ZNF608: variants seen among roughly 807,000 people sequenced by gnomAD.
ZNF608 encodes the protein renal carcinoma antigen NY-REN-36.
A neutral mutation model predicts 109.0 loss-of-function variants in ZNF608; 12 were observed. The observed-to-expected ratio is 0.11, with a 90% CI of 0.07 to 0.18. ZNF608 has a LOEUF of 0.18. Among genes scored for constraint, ZNF608 ranks in the 10% least tolerant of loss-of-function variants. The pLI is 1.00. For synonymous variants in ZNF608, 732 were observed against 717.4 expected, an observed-to-expected ratio of 1.02 and a Z score of -0.33; for missense variants, 1,707 against 1,879.3, an observed-to-expected ratio of 0.91 and a Z score of 1.70.
intron 3 of ZNF608, among the ~76,000 whole-genome samples, chr5:124,674,370 C>T (rs952513768): frequency 6.6e-6 from 1 of 152,112 alleles, no homozygotes; most frequent in Non-Finnish European, 1.5e-5. Flanking sequence ...AAATGGGGCC[C>T]AAATATCAGT....
At chr5:124,693,872 T>C (rs1397429215) in intron 3 of ZNF608, among the ~76,000 whole-genome samples, 1 of 151,874 alleles carries the variant, frequency 6.6e-6, no homozygotes, top group African/African-American at 2.4e-5. Context: ...CTCCATTCAG[T>C]ACGCCTTTGT....
intron 3 of ZNF608, among the ~76,000 whole-genome samples, chr5:124,670,669 T>C (rs961934540): frequency 6.6e-6 from 1 of 152,126 alleles, no homozygotes; most frequent in Non-Finnish European, 1.5e-5. Context: ...AAAGGCCCTT[T>C]CTTTTCTTTT....
At chr5:124,739,210 TC>T (rs374243262) in intron 2 of ZNF608, among the ~76,000 whole-genome samples, 84 of 152,280 alleles carry the variant, frequency 5.5e-4, no homozygotes, top group African/African-American at 1.9e-3. Context: ...GTCATTAGCT[TC>T]AATAAAAGAC....
chr5:124,692,888 G>GT (rs1324648112), intron 3 of ZNF608, among the ~76,000 whole-genome samples: 1 of 152,148 alleles, frequency 6.6e-6, no homozygotes, highest in African/African-American at 2.4e-5. Context: ...CTGGCACAAA[G>GT]TAAGTACTCA....
In ZNF608 at chr5:124,745,036, G is replaced by C. The variant is rs775005093; in HGVS notation, c.-47C>G. 6.5e-7 allele frequency: 1 copy of C among 1,538,258 alleles called. No homozygotes were observed. The highest frequency in any genetic ancestry group is 8.7e-7 in the Non-Finnish European group (1 of 1,148,718). On this transcript the variant is annotated 5_prime_UTR_variant, in exon 2 of 10. Coordinates refer to ENST00000513986, the MANE Select transcript of ZNF608 (RefSeq NM_020747.3). ...ATAAAAATCCGATGAACTTTTCTTT[G>C]GAGATGAGGGGACATTCGTTTATCT...
At chr5:124,637,950 TTTG>T in intron 9 of ZNF608, 44 bp from the exon 10 acceptor site, 1 of 1,606,550 alleles carries the variant, frequency 6.2e-7, no homozygotes, top group Non-Finnish European at 8.5e-7. Context: ...CTATCAACAT[TTTG>T]TTTGTTTGTT....
At chr5:124,677,673 C>T (rs906178952) in intron 3 of ZNF608, among the ~76,000 whole-genome samples, 1 of 152,116 alleles carries the variant, frequency 6.6e-6, no homozygotes, top group African/African-American at 2.4e-5. Context: ...TCGGAAAATA[C>T]AAGCAAATCG....
At chr5:124,653,442 A>G (rs1750877246) in intron 3 of ZNF608, among the ~76,000 whole-genome samples, 1 of 152,214 alleles carries the variant, frequency 6.6e-6, no homozygotes, top group Non-Finnish European at 1.5e-5. Context: ...GTGCCTATTT[A>G]GTGCTATGGA....
Position 124,637,170 on chromosome 5 carries a change from A to G in ZNF608, c.*730T>C, listed in dbSNP as rs1401949868. The G allele has an allele frequency of 6.6e-6, 1 of 152,138 alleles. No individual in the cohort carries two copies. Among genetic ancestry groups the G allele is most frequent in the Non-Finnish European group, 1.5e-5 (1 of 67,974 alleles). 9.4% of individuals were successfully genotyped at this position (152,138 alleles called of 1,614,324 possible). A position where few individuals can be genotyped will look rare whatever the true frequency, so the allele number is the denominator to read the frequency against. ...TCTCTGGTACGCAGGCTATTGGGTT[A>G]TTTGCCATTCAAGATTATCAAAAAA... is the stretch of plus-strand genomic sequence containing the variant. On this transcript the variant is annotated 3_prime_UTR_variant, in exon 10 of 10. Coordinates refer to ENST00000513986, the MANE Select transcript of ZNF608 (RefSeq NM_020747.3).
chr5:124,702,377 T>A (rs1182428667), intron 2 of ZNF608, among the ~76,000 whole-genome samples: 2 of 152,086 alleles, frequency 1.3e-5, no homozygotes, highest in Non-Finnish European at 2.9e-5. Flanking sequence ...AAATCCTATA[T>A]GTAAAAAGGG....
At chr5:124,689,919 C>T (rs1312716560) in intron 3 of ZNF608, among the ~76,000 whole-genome samples, 1 of 152,192 alleles carries the variant, frequency 6.6e-6, no homozygotes, top group East Asian at 1.9e-4. Context: ...CAAAAACCTA[C>T]AAATGGATGT....
chr5:124,658,041 C>G lies in ZNF608; in HGVS notation c.1163-8344G>C, dbSNP rs563283163. 5.9e-5 allele frequency among the ~76,000 whole-genome samples: 9 copies of G among 152,178 alleles called. No individual in the cohort carries two copies. The East Asian group carries it at 1.7e-3, about 29-fold the overall frequency. ...GCACCATTCATATACAATATGTACC[C>G]CTTATTGTGTAGACCGTTCCTCTAG... On this transcript the variant is annotated intron_variant, in intron 3 of 9. Coordinates refer to ENST00000513986, the MANE Select transcript of ZNF608 (RefSeq NM_020747.3).
rs777369154 is a variant in ZNF608 at position 124,648,049 on chromosome 5, T to C, written c.2335A>G (p.Thr779Ala). 8 of 1,614,186 alleles carry C rather than the reference T, an allele frequency of 5.0e-6. No individual in the cohort carries two copies. The South Asian group carries it at 7.7e-5, about 16-fold the overall frequency. Residue 779 changes from threonine to alanine, a missense_variant, in exon 5 of 10, where the codon ACA becomes GCA. Coordinates refer to ENST00000513986, the MANE Select transcript of ZNF608 (RefSeq NM_020747.3). ...PSLTTTVVQA[T>A]PKSPPLKPIQ... is the part of the protein sequence containing the mutation. ...GGTTTTAACGGAGGACTCTTTGGTGTAGCCTGAACAACAGTTGTTGTGAGG... is the reference window on the plus strand; with the variant it reads ...GGTTTTAACGGAGGACTCTTTGGTGCAGCCTGAACAACAGTTGTTGTGAGG...
chr5:124,698,938 T>C (rs1752946421), intron 3 of ZNF608, among the ~76,000 whole-genome samples: 1 of 152,198 alleles, frequency 6.6e-6, no homozygotes, highest in Non-Finnish European at 1.5e-5. Context: ...TGCAGGGACT[T>C]AGTCCTACTC....
In ZNF608 at chr5:124,647,532, G is replaced by A; in HGVS notation, c.2852C>T (p.Ser951Phe). The A allele has an allele frequency of 6.2e-7, 1 of 1,614,088 alleles. No individual in the cohort carries two copies. Among genetic ancestry groups the A allele is most frequent in the Non-Finnish European group, 8.5e-7 (1 of 1,179,982 alleles). ...TCTCATACCCTCCGACCTGCTGTCA[G>A]AACCACCATCGTCAGCAGCATCAGA... ...DISDAADDGG[S>F]DSRSEGMRSK... is the part of the protein sequence containing the mutation. The change falls in exon 5 of 10, where the codon TCT (serine) becomes TTT (phenylalanine). Residue 951 changes from serine (S) to phenylalanine (F), a missense_variant. Ser to Phe is a radical substitution (Grantham distance 155). Around this residue, in one of 7 missense-constraint regions of ZNF608, gnomAD observed 1,073 missense variants for 1,133.5 expected, o/e 0.95. Coordinates refer to ENST00000513986, the MANE Select transcript of ZNF608 (RefSeq NM_020747.3).
chr5:124,711,581 C>A (rs1335935999), intron 2 of ZNF608, among the ~76,000 whole-genome samples: 1 of 152,220 alleles, frequency 6.6e-6, no homozygotes, highest in Admixed American at 6.5e-5. Context: ...ACCCCAGGCC[C>A]TCCCCTTTAG....
chr5:124,648,760 A>C lies in ZNF608; in HGVS notation c.1624T>G (p.Phe542Val), dbSNP rs1486687396. The C allele has an allele frequency of 1.2e-6, 2 of 1,614,164 alleles. No individual in the cohort carries two copies. Among genetic ancestry groups the C allele is most frequent in the Non-Finnish European group, 1.7e-6 (2 of 1,180,024 alleles). ...TTPQGKPETT[F>V]LDQGCSSPVL... The stretch of plus-strand genomic sequence containing the variant: ...GGAGAAGAGCAGCCTTGGTCCAAAA[A>C]AGTAGTCTCTGGTTTCCCTTGAGGG... The change falls in exon 5 of 10, where the codon TTT (phenylalanine) becomes GTT (valine). Residue 542 changes from phenylalanine to valine, a missense_variant. Phe to Val is a conservative substitution (Grantham distance 50, BLOSUM62 -1). This residue lies in a region of ZNF608 where 166 missense variants were observed against 204.2 expected (regional missense o/e 0.81). Transcript: ENST00000513986.
chr5:124,736,340 G>A (rs1749142591), intron 2 of ZNF608, among the ~76,000 whole-genome samples: 1 of 152,184 alleles, frequency 6.6e-6, no homozygotes, highest in Admixed American at 6.5e-5. Flanking sequence ...AACCCTTCCA[G>A]TTCAAACATT....
At chr5:124,674,624 G>C (rs1413798735) in intron 3 of ZNF608, among the ~76,000 whole-genome samples, 1 of 152,072 alleles carries the variant, frequency 6.6e-6, no homozygotes, top group Non-Finnish European at 1.5e-5. Context: ...TGTTTGTTTT[G>C]CTTTGAGACA....
Sources: allele counts gnomAD v4.1 joint callset (sites outside exome capture counted in the v4.1 genomes callset), GRCh38; gene constraint gnomAD v4.1.1; regional missense constraint gnomAD v4.1.1; transcripts MANE v1.5; gene names NCBI Gene and HGNC (gene_info 2026-07-23, HGNC 2026-07-21).